Variants in RBFOX1 observed in about 807,000 individuals in gnomAD.
The protein encoded by RBFOX1 is RNA binding fox-1 homolog 1, also known as RNA binding protein fox-1 homolog 1.
A neutral mutation model predicts 57.7 loss-of-function variants in RBFOX1; 8 were observed. The observed-to-expected ratio is 0.14, with a 90% CI of 0.08 to 0.25. The LOEUF (loss-of-function observed/expected upper bound fraction) is 0.25. Ranked by LOEUF, RBFOX1 falls within the 10% of genes least tolerant of loss-of-function variation. The probability of loss-of-function intolerance (pLI) is 1.00; values close to 1 mark genes in which losing one functional copy is unlikely to be tolerated. For missense variants in RBFOX1, 611 were observed against 548.5 expected (o/e 1.11, Z -1.14); for synonymous variants, 326 against 222.4 (o/e 1.47, Z -4.15).
At chr16:7,535,197 G>C (rs533788639) in intron 5 of RBFOX1, among the ~76,000 whole-genome samples, 1 of 152,142 alleles carries the variant, frequency 6.6e-6, no homozygotes, top group African/African-American at 2.4e-5. Context: ...ACACCGTAAT[G>C]TATTGGATTA....
chr16:7,279,026 T>C (rs1375725950), intron 4 of RBFOX1, among the ~76,000 whole-genome samples: 1 of 152,106 alleles, frequency 6.6e-6, no homozygotes, highest in Non-Finnish European at 1.5e-5. Context: ...TAAAAACTGA[T>C]GACGGATGGA....
At chr16:6,627,290 G>T (rs1402483540) in intron 2 of RBFOX1, among the ~76,000 whole-genome samples, 1 of 152,284 alleles carries the variant, frequency 6.6e-6, no homozygotes, top group East Asian at 1.9e-4. Flanking sequence ...TCCCTACTTA[G>T]GTGTGCTTAC....
intron 4 of RBFOX1, among the ~76,000 whole-genome samples, chr16:7,092,393 T>C (rs2151142101): frequency 6.6e-6 from 1 of 152,344 alleles, no homozygotes; most frequent in East Asian, 1.9e-4. Flanking sequence ...TTTCAAAAAA[T>C]GAGATCACAC....
rs910655826 is a variant in RBFOX1, at chr16:6,618,357, C to T, written c.-63-36246C>T. On this transcript the variant is annotated intron_variant, in intron 2 of 15. Coordinates refer to ENST00000550418, the MANE Select transcript of RBFOX1 (RefSeq NM_018723.4). ...TTTCAAGCCCTTAGCATATATAAAG[C>T]CATTCAGTATGCCAAATAACCATAA... Among the ~76,000 whole-genome samples the T allele has an allele frequency of 2.0e-5, 3 of 152,126 alleles. 1 individual carries two copies. In the East Asian group the frequency reaches 5.8e-4, roughly 29 times the overall value.
At chr16:7,527,230 G>T (rs756229237) in intron 5 of RBFOX1, among the ~76,000 whole-genome samples, 1 of 152,138 alleles carries the variant, frequency 6.6e-6, no homozygotes, top group African/African-American at 2.4e-5. Flanking sequence ...TTAGGAGCCT[G>T]AGCACTATGC....
chr16:6,360,606 G>A (rs978858732), intron 2 of RBFOX1, among the ~76,000 whole-genome samples: 2 of 152,154 alleles, frequency 1.3e-5, no homozygotes, highest in Non-Finnish European at 2.9e-5. Context: ...GTAACACTCT[G>A]GTGAAGGATG....
At chr16:7,178,615 G>C (rs1275026424) in intron 4 of RBFOX1, among the ~76,000 whole-genome samples, 1 of 152,128 alleles carries the variant, frequency 6.6e-6, no homozygotes. Context: ...ATCTACATAA[G>C]TGAAATCTGA....
chr16:6,769,517 C>T (rs1176915513), intron 3 of RBFOX1, among the ~76,000 whole-genome samples: 1 of 152,224 alleles, frequency 6.6e-6, no homozygotes, highest in South Asian at 2.1e-4. Context: ...AATGGTTTAT[C>T]ACCCGCCTTT....
At chr16:6,125,509 T>C (rs952880120) in intron 1 of RBFOX1, among the ~76,000 whole-genome samples, 5 of 152,152 alleles carry the variant, frequency 3.3e-5, no homozygotes, top group Non-Finnish European at 7.4e-5. Flanking sequence ...GGCCCTAAAC[T>C]GAGGATAACC....
At position 6,676,731 on chromosome 16, in the gene RBFOX1, C is replaced by A. The variant is rs187174824; in HGVS notation, c.-16+22081C>A. Among the ~76,000 whole-genome samples the A allele has an allele frequency of 1.8e-3, 261 of 143,296 alleles. 1 individual carries two copies. The highest frequency in any genetic ancestry group is 6.5e-3 in the African/African-American group (252 of 38,848). The allele number at this position is 143,296 out of a possible 152,430, so 94.0% of individuals were successfully genotyped here. On this transcript the variant is annotated intron_variant, in intron 3 of 15. Transcript: ENST00000550418. ...ACTCTTGTCCCCCAGGCTGGAGTGC[C>A]ATGGTGCGATCAAGGGTCACTGCAA... is the stretch of plus-strand genomic sequence containing the variant.
At chr16:6,698,644 G>A (rs543408895) in intron 3 of RBFOX1, among the ~76,000 whole-genome samples, 1 of 152,094 alleles carries the variant, frequency 6.6e-6, no homozygotes, top group Non-Finnish European at 1.5e-5. Flanking sequence ...AGGCAGACGT[G>A]GTGGGACCAC....
Position 7,265,965 on chromosome 16 carries a change from T to A in RBFOX1, c.27+213867T>A, listed in dbSNP as rs12926915. Among the ~76,000 whole-genome samples the A allele has an allele frequency of 7.1e-4, 47 of 65,892 alleles. 2 individuals carry two copies. In the African/African-American group the frequency reaches 8.5e-3, roughly 12 times the overall value. The allele number at this position is 65,892 out of a possible 152,430, so 43.2% of individuals were successfully genotyped here. A position where few individuals can be genotyped will look rare whatever the true frequency, so the allele number is the denominator to read the frequency against. On this transcript the variant is annotated intron_variant, in intron 4 of 15. Coordinates refer to ENST00000550418, the MANE Select transcript of RBFOX1 (RefSeq NM_018723.4). ...AGTTATGAGATCTGGTGGGTTTTTG[T>A]TTTTTTTTTTTTTTTTTTTTTTTTT...
At chr16:5,513,691 A>G (rs1329807120) in intron 2 of RBFOX1, among the ~76,000 whole-genome samples, 1 of 152,214 alleles carries the variant, frequency 6.6e-6, no homozygotes, top group African/African-American at 2.4e-5. Flanking sequence ...GATGGGACTC[A>G]TGGATATTTA....
chr16:6,592,628 C>T (rs958848726), intron 2 of RBFOX1, among the ~76,000 whole-genome samples: 7 of 152,104 alleles, frequency 4.6e-5, no homozygotes, highest in African/African-American at 9.7e-5. Flanking sequence ...TATGGGGAAG[C>T]GGAAGTTCTG....
At chr16:6,426,166 C>T (rs950292973) in intron 2 of RBFOX1, among the ~76,000 whole-genome samples, 4 of 151,940 alleles carry the variant, frequency 2.6e-5, no homozygotes, top group Admixed American at 6.6e-5. Context: ...CTTTCCCTCC[C>T]TCCATCCCTC....
chr16:7,308,668 G>C (rs998170339), intron 4 of RBFOX1, among the ~76,000 whole-genome samples: 2 of 152,154 alleles, frequency 1.3e-5, no homozygotes, highest in Non-Finnish European at 2.9e-5. Flanking sequence ...TCTTCAGATC[G>C]AAAGCAATTG....
At chr16:6,614,303 A>G (rs1334974721) in intron 2 of RBFOX1, among the ~76,000 whole-genome samples, 1 of 152,182 alleles carries the variant, frequency 6.6e-6, no homozygotes, top group Non-Finnish European at 1.5e-5. Context: ...CTTACACTGG[A>G]TGGACTTCCT....
chr16:7,261,821 A>G (rs1367105382), intron 4 of RBFOX1, among the ~76,000 whole-genome samples: 1 of 152,196 alleles, frequency 6.6e-6, no homozygotes, highest in Non-Finnish European at 1.5e-5. Context: ...AGCATTACTG[A>G]TATCCAGACC....
rs527317727 is a variant in RBFOX1 at position 6,517,594 on chromosome 16, G to T, written c.-63-137009G>T. ...GAATTTAGAAATGCTTTGTGTTTCA[G>T]AGAGTGCTTTGCCTGGGTGTTTAAT... On this transcript the variant is annotated intron_variant, in intron 2 of 15. Transcript: ENST00000550418. 2.6e-5 allele frequency among the ~76,000 whole-genome samples: 4 copies of T among 152,248 alleles called. No homozygotes were observed. The East Asian group carries it at 5.8e-4, about 22-fold the overall frequency.
Sources: gnomAD v4.1 joint callset for allele counts (sites outside exome capture counted in the v4.1 genomes callset) on GRCh38, gnomAD v4.1.1 for gene constraint, MANE v1.5 for transcripts, NCBI Gene and HGNC (gene_info 2026-07-23, HGNC 2026-07-21) for gene names.